The following RBM6 variants were observed in gnomAD, a reference collection of about 807,000 sequenced individuals.
The protein encoded by RBM6 is RNA binding motif protein 6, also known as RNA-binding protein 6.
Under a neutral mutation model 140.4 loss-of-function variants are expected in RBM6, and 23 were observed. The ratio of observed to expected loss-of-function variants is 0.16; its 90% CI spans 0.12 to 0.23. The LOEUF (loss-of-function observed/expected upper bound fraction) is 0.23, where lower values mean the gene tolerates loss of function less well. Among genes scored for constraint, RBM6 ranks in the 10% least tolerant of loss-of-function variants. RBM6 has a pLI of 1.00. For missense variants in RBM6, 1,139 were observed against 1,386.7 expected (o/e 0.82, Z 2.84); for synonymous variants, 439 against 475.6 (o/e 0.92, Z 1.00).
intron 6 of RBM6, among the ~76,000 whole-genome samples, chr3:50,027,065 T>C (rs539860630): frequency 2.6e-5 from 4 of 152,136 alleles, no homozygotes; most frequent in Non-Finnish European, 5.9e-5. Flanking sequence ...CAATTTTCCA[T>C]TATAATATGG....
At chr3:49,962,504 A>G in intron 1 of RBM6, 72 bp from the exon 2 acceptor site, 1 of 718,772 alleles carries the variant, frequency 1.4e-6, no homozygotes, top group Admixed American at 2.8e-5. Flanking sequence ...CTCATAAACC[A>G]AGCAGTGGGA....
chr3:49,976,519 T>C (rs892979259), intron 5 of RBM6, among the ~76,000 whole-genome samples: 2 of 152,222 alleles, frequency 1.3e-5, no homozygotes, highest in South Asian at 2.1e-4. Context: ...ATCTCACTTA[T>C]GTTGGTTATA....
intron 7 of RBM6, among the ~76,000 whole-genome samples, chr3:50,053,644 C>G (rs1454244228): frequency 6.6e-6 from 1 of 152,204 alleles, no homozygotes; most frequent in Admixed American, 6.5e-5. Context: ...ATACCATCCT[C>G]TTTATAGTTC....
chr3:49,942,721 C>T (rs1051546698), intron 1 of RBM6, among the ~76,000 whole-genome samples: 8 of 152,096 alleles, frequency 5.3e-5, no homozygotes, highest in African/African-American at 1.7e-4. Context: ...GGTGAAACCC[C>T]GTATCTACTA....
At chr3:49,957,982 C>T (rs2084079671) in intron 1 of RBM6, among the ~76,000 whole-genome samples, 1 of 152,086 alleles carries the variant, frequency 6.6e-6, no homozygotes, top group Non-Finnish European at 1.5e-5. Context: ...TAGTTGTACG[C>T]CACCACACGT....
intron 6 of RBM6, among the ~76,000 whole-genome samples, chr3:50,011,648 A>C (rs1475900591): frequency 6.6e-6 from 1 of 152,112 alleles, no homozygotes; most frequent in African/African-American, 2.4e-5. Flanking sequence ...CACTATGGCT[A>C]TCATCTTTGA....
chr3:49,984,633 AT>A (rs2085473968), intron 5 of RBM6, among the ~76,000 whole-genome samples: 2 of 53,936 alleles, frequency 3.7e-5, no homozygotes, highest in Non-Finnish European at 1.2e-4. Flanking sequence ...ATCGCATCGC[AT>A]CGCATCGCAT....
chr3:49,999,474 A>G lies in RBM6; in HGVS notation c.1518A>G (p.Ser506=). The G allele has an allele frequency of 6.2e-7, 1 of 1,613,428 alleles. No homozygotes were observed. The highest frequency in any genetic ancestry group is 8.5e-7 in the Non-Finnish European group (1 of 1,179,852). Residue 506 remains serine (S), a synonymous_variant, in exon 6 of 21, where the codon TCA becomes TCG. Coordinates refer to ENST00000266022, the MANE Select transcript of RBM6 (RefSeq NM_005777.3). The part of the protein sequence containing the change: ...YDYGYVCVEF[S]LLEDAIGCME... Reference sequence around the variant, plus strand: ...ATGGCTATGTCTGCGTGGAGTTTTCACTCTTGGAAGATGCCATCGGATGCA... The same window carrying G: ...ATGGCTATGTCTGCGTGGAGTTTTCGCTCTTGGAAGATGCCATCGGATGCA...
chr3:50,069,060 G>C (rs975744265), intron 18 of RBM6, among the ~76,000 whole-genome samples: 1 of 152,308 alleles, frequency 6.6e-6, no homozygotes, highest in Non-Finnish European at 1.5e-5. Flanking sequence ...TAATGAACAA[G>C]TGTTGAATAG....
intron 7 of RBM6, among the ~76,000 whole-genome samples, chr3:50,051,957 T>G (rs944399253): frequency 6.6e-6 from 1 of 152,210 alleles, no homozygotes; most frequent in Non-Finnish European, 1.5e-5. Flanking sequence ...CTCCACTAGA[T>G]TTCTTTTGGG....
At chr3:50,035,144 GCCT>G (rs908509706) in intron 6 of RBM6, among the ~76,000 whole-genome samples, 14 of 150,192 alleles carry the variant, frequency 9.3e-5, no homozygotes, top group Non-Finnish European at 2.1e-4. Context: ...TTCAATTCTT[GCCT>G]CCTCAGAAGA....
chr3:49,999,990 T>C (rs530239631), intron 6 of RBM6, among the ~76,000 whole-genome samples: 12 of 152,312 alleles, frequency 7.9e-5, no homozygotes, highest in African/African-American at 2.9e-4. Flanking sequence ...AAAAGAGAGC[T>C]ATCAGGGAAG....
intron 6 of RBM6, among the ~76,000 whole-genome samples, chr3:50,038,659 G>A (rs2088686817): frequency 2.0e-5 from 3 of 152,038 alleles, no homozygotes; most frequent in South Asian, 2.1e-4. Context: ...GTGAAACCCC[G>A]TCTCTACTAA....
chr3:50,059,897 C>A, intron 11 of RBM6, 151 bp downstream of exon 11: 1 of 563,906 alleles, frequency 1.8e-6, no homozygotes, highest in Non-Finnish European at 3.1e-6. Context: ...TTTCTGAAGC[C>A]TGACTTGTCC....
At chr3:49,943,114 G>A (rs1399506909) in intron 1 of RBM6, among the ~76,000 whole-genome samples, 1 of 152,214 alleles carries the variant, frequency 6.6e-6, no homozygotes, top group African/African-American at 2.4e-5. Flanking sequence ...CGTTGTGTGT[G>A]TACACTACAT....
intron 6 of RBM6, among the ~76,000 whole-genome samples, chr3:50,024,682 G>A (rs377601441): frequency 3.5e-4 from 53 of 152,256 alleles, no homozygotes; most frequent in East Asian, 2.3e-3. Flanking sequence ...GGCCGGGCAC[G>A]ATGGCTCACG....
At chr3:49,970,158 C>G (rs2108640292) in intron 3 of RBM6, among the ~76,000 whole-genome samples, 1 of 152,212 alleles carries the variant, frequency 6.6e-6, no homozygotes, top group East Asian at 1.9e-4. Flanking sequence ...CTAGGCTGGG[C>G]TGGAACCCCT....
chr3:49,962,241 A>G (rs1262771770), intron 1 of RBM6, among the ~76,000 whole-genome samples: 1 of 151,156 alleles, frequency 6.6e-6, no homozygotes, highest in Non-Finnish European at 1.5e-5. Flanking sequence ...TCATGAGGTC[A>G]GGAGATCTAG....
intron 6 of RBM6, among the ~76,000 whole-genome samples, chr3:50,004,086 C>T (rs1217150472): frequency 1.3e-5 from 2 of 152,116 alleles, no homozygotes; most frequent in African/African-American, 4.8e-5. Flanking sequence ...TACTAGCCCT[C>T]TCAGACTGTT....
Sources: allele counts gnomAD v4.1 joint callset (sites outside exome capture counted in the v4.1 genomes callset), GRCh38; gene constraint gnomAD v4.1.1; transcripts MANE v1.5; gene names NCBI Gene and HGNC (gene_info 2026-07-23, HGNC 2026-07-21).